SYT14: variants seen among roughly 807,000 people sequenced by gnomAD.
SYT14 encodes the protein synaptotagmin-14.
A neutral mutation model predicts 74.2 loss-of-function variants in SYT14; 32 were observed. That is an observed-to-expected ratio of 0.43 (90% confidence interval 0.33 to 0.58). SYT14 has a LOEUF of 0.58. Ranked by LOEUF, SYT14 falls within the 20% of genes least tolerant of loss-of-function variation. The pLI, the probability that SYT14 is intolerant of heterozygous loss-of-function variation, is 0.05. For missense variants in SYT14, 791 were observed against 981.8 expected, an observed-to-expected ratio of 0.81 and a Z score of 2.60; for synonymous variants, 298 against 337.7, an observed-to-expected ratio of 0.88 and a Z score of 1.29.
chr1:210,019,449 A>G (rs766599498), intron 4 of SYT14, among the ~76,000 whole-genome samples: 2 of 152,228 alleles, frequency 1.3e-5, no homozygotes, highest in Non-Finnish European at 2.9e-5. Flanking sequence ...GCTGTTGAGC[A>G]CTTCAAATGT....
rs1049052441 is a variant in SYT14 at position 209,996,053 on chromosome 1, C to G, written c.-485-17580C>G. On this transcript the variant is annotated intron_variant, in intron 2 of 9. Transcript: ENST00000637265. ...AAAGATCTCAAATGAGCAATCTACC[C>G]TTGCACCTAAAGGAACTAGAAAAGA... 2.6e-5 allele frequency among the ~76,000 whole-genome samples: 4 copies of G among 152,118 alleles called. 1 individual carries two copies. In the South Asian group the frequency reaches 6.2e-4, roughly 24 times the overall value.
chr1:210,079,431 A>C (rs2081578406), intron 5 of SYT14, among the ~76,000 whole-genome samples: 3 of 152,158 alleles, frequency 2.0e-5, no homozygotes. Flanking sequence ...CAAAGGAATA[A>C]GTTTTTTGTC....
intron 6 of SYT14, among the ~76,000 whole-genome samples, chr1:210,095,014 G>A (rs2081944942): frequency 6.6e-6 from 1 of 152,054 alleles, no homozygotes; most frequent in Admixed American, 6.5e-5. Flanking sequence ...CATAGAAAAT[G>A]CAAGGGATAA....
chr1:210,070,488 A>G (rs146409573), intron 5 of SYT14, among the ~76,000 whole-genome samples: 8 of 152,246 alleles, frequency 5.3e-5, no homozygotes, highest in Middle Eastern at 3.4e-3. Flanking sequence ...GCTTTTTAGT[A>G]GCAGACCATG....
intron 7 of SYT14, 144 bp downstream of exon 6, chr1:210,100,605 C>T (rs2082046758): frequency 1.3e-6 from 1 of 794,228 alleles, no homozygotes; most frequent in Admixed American, 2.6e-5. Flanking sequence ...ATATCTAAGC[C>T]CTGGATAGAT....
chr1:210,051,636 AT>A (rs765635932), intron 5 of SYT14, among the ~76,000 whole-genome samples: 1 of 152,110 alleles, frequency 6.6e-6, no homozygotes, highest in Non-Finnish European at 1.5e-5. Context: ...AATACTACAT[AT>A]GTGTGTATGT....
At chr1:210,102,607 A>G (rs150902400) in intron 7 of SYT14, among the ~76,000 whole-genome samples, 9 of 152,198 alleles carry the variant, frequency 5.9e-5, no homozygotes, top group Non-Finnish European at 1.0e-4. Context: ...GTTTGGCTCT[A>G]ATTTTTGTAA....
At chr1:210,118,943 A>C (rs1281921895) in intron 7 of SYT14, among the ~76,000 whole-genome samples, 3 of 152,204 alleles carry the variant, frequency 2.0e-5, no homozygotes, top group Non-Finnish European at 4.4e-5. Context: ...CTAAAATAAC[A>C]ATAAAGTATA....
intron 2 of SYT14, among the ~76,000 whole-genome samples, chr1:209,995,835 C>T (rs888546930): frequency 1.4e-4 from 21 of 152,018 alleles, no homozygotes; most frequent in African/African-American, 5.1e-4. Context: ...GAAGATCTCT[C>T]AAAACTGCAC....
At chr1:210,155,363 ATTGAGTCTAAATC>A (rs1476445706) in intron 7 of SYT14, among the ~76,000 whole-genome samples, 1 of 152,210 alleles carries the variant, frequency 6.6e-6, no homozygotes, top group Non-Finnish European at 1.5e-5. Context: ...CATTTGATGT[ATTGAGTCTAAATC>A]TTTGTCAGTC....
At chr1:210,075,696 G>A (rs1301412531) in intron 5 of SYT14, among the ~76,000 whole-genome samples, 5 of 152,012 alleles carry the variant, frequency 3.3e-5, no homozygotes, top group Non-Finnish European at 5.9e-5. Flanking sequence ...CTTAGGAAAT[G>A]CAACATTTGG....
intron 2 of SYT14, among the ~76,000 whole-genome samples, chr1:209,980,065 A>G (rs2079453249): frequency 6.6e-6 from 1 of 152,174 alleles, no homozygotes; most frequent in Non-Finnish European, 1.5e-5. Flanking sequence ...CTTAACTTAC[A>G]TTTTTACCAA....
intron 7 of SYT14, among the ~76,000 whole-genome samples, chr1:210,138,353 A>G (rs143002821): frequency 2.6e-5 from 4 of 152,270 alleles, no homozygotes; most frequent in African/African-American, 7.2e-5. Context: ...CCATGATTCA[A>G]TTACCTCGCA....
intron 2 of SYT14, among the ~76,000 whole-genome samples, chr1:209,978,339 TC>T (rs2079410086): frequency 6.6e-6 from 1 of 152,224 alleles, no homozygotes; most frequent in African/African-American, 2.4e-5. Flanking sequence ...TGTGGTTTTA[TC>T]TACCTTTGGT....
At chr1:210,026,777 A>T (rs1351331443) in intron 5 of SYT14, among the ~76,000 whole-genome samples, 2 of 132,276 alleles carry the variant, frequency 1.5e-5, no homozygotes, top group Non-Finnish European at 3.1e-5. Context: ...TTTTATAATA[A>T]TTTAATATTT....
intron 7 of SYT14, among the ~76,000 whole-genome samples, chr1:210,140,764 T>C (rs1039762336): frequency 1.3e-5 from 2 of 152,168 alleles, no homozygotes; most frequent in Non-Finnish European, 2.9e-5. Context: ...AATCTTTTTT[T>C]CATTTATTTG....
chr1:210,005,174 G>C (rs767843403), intron 2 of SYT14, among the ~76,000 whole-genome samples: 1 of 151,956 alleles, frequency 6.6e-6, no homozygotes, highest in Non-Finnish European at 1.5e-5. Flanking sequence ...CTTCAAAATG[G>C]ATCAGGCTTA....
At chr1:210,009,492 A>G (rs2080046918) in intron 2 of SYT14, among the ~76,000 whole-genome samples, 1 of 151,938 alleles carries the variant, frequency 6.6e-6, no homozygotes, top group Non-Finnish European at 1.5e-5. Context: ...ACCTTTTCCT[A>G]GTGGGGAAAG....
chr1:210,019,013 A>G (rs1424184265), intron 4 of SYT14, among the ~76,000 whole-genome samples: 1 of 151,072 alleles, frequency 6.6e-6, no homozygotes, highest in Non-Finnish European at 1.5e-5. Context: ...GTGGGTGCTT[A>G]TAATCCCAGC....
Sources: gnomAD v4.1 joint callset for allele counts (sites outside exome capture counted in the v4.1 genomes callset) on GRCh38, gnomAD v4.1.1 for gene constraint, MANE v1.5 for transcripts, NCBI Gene and HGNC (gene_info 2026-07-23, HGNC 2026-07-21) for gene names.